The following PCDH7 variants were observed in gnomAD, a reference collection of about 807,000 sequenced individuals.
PCDH7 encodes the protein protocadherin-7.
Under a neutral mutation model 58.9 loss-of-function variants are expected in PCDH7, and 17 were observed. The ratio of observed to expected loss-of-function variants is 0.29; its 90% CI spans 0.20 to 0.43. The LOEUF (loss-of-function observed/expected upper bound fraction) is 0.43, where lower values mean the gene tolerates loss of function less well. Ranked by LOEUF, PCDH7 falls within the 20% of genes least tolerant of loss-of-function variation. PCDH7 has a pLI of 1.00. For missense variants in PCDH7, 1,274 were observed against 1,441.0 expected (o/e 0.88, Z 1.88); for synonymous variants, 664 against 616.4 (o/e 1.08, Z -1.14).
At chr4:30,963,709 G>A (rs945238699) in intron 3 of PCDH7, among the ~76,000 whole-genome samples, 1 of 152,084 alleles carries the variant, frequency 6.6e-6, no homozygotes, top group South Asian at 2.1e-4. Context: ...AAATCTGAGT[G>A]GAATGCCAGA....
chr4:31,072,749 T>C (rs1758658169), intron 3 of PCDH7, among the ~76,000 whole-genome samples: 1 of 152,148 alleles, frequency 6.6e-6, no homozygotes, highest in Non-Finnish European at 1.5e-5. Context: ...GGCTGACATA[T>C]TCACCCATTA....
chr4:31,100,337 G>A (rs1446158059), intron 3 of PCDH7, among the ~76,000 whole-genome samples: 1 of 152,180 alleles, frequency 6.6e-6, no homozygotes, highest in African/African-American at 2.4e-5. Flanking sequence ...AAACAAAAAT[G>A]TAAAAGAATG....
At chr4:30,739,638 T>C (rs1478140091) in intron 1 of PCDH7, among the ~76,000 whole-genome samples, 1 of 152,174 alleles carries the variant, frequency 6.6e-6, no homozygotes, top group Non-Finnish European at 1.5e-5. Flanking sequence ...ACTTGATGTT[T>C]TCTTTAATGT....
chr4:30,766,143 A>C (rs1177057650), intron 1 of PCDH7, among the ~76,000 whole-genome samples: 2 of 151,970 alleles, frequency 1.3e-5, no homozygotes, highest in Non-Finnish European at 2.9e-5. Flanking sequence ...TCTGATGAAA[A>C]GCCCCCTCTA....
chr4:30,885,795 C>T lies in PCDH7; in HGVS notation c.71-34358C>T, dbSNP rs368680902. On this transcript the variant is annotated intron_variant, in intron 1 of 3. Coordinates refer to the PCDH7 transcript ENST00000509759. ...AGAGATATAGATCAATGGAACAGAACAGAGCCCTCAGAAATAATGCCACAT... is the reference window on the plus strand; with the variant it reads ...AGAGATATAGATCAATGGAACAGAATAGAGCCCTCAGAAATAATGCCACAT... 9.7e-4 allele frequency among the ~76,000 whole-genome samples: 147 copies of T among 152,172 alleles called. 1 individual carries two copies. Among genetic ancestry groups the T allele is most frequent in the African/African-American group, 3.4e-3 (142 of 41,522 alleles).
At chr4:30,975,274 T>C (rs1749973784) in intron 3 of PCDH7, among the ~76,000 whole-genome samples, 2 of 151,926 alleles carry the variant, frequency 1.3e-5, no homozygotes, top group African/African-American at 4.8e-5. Flanking sequence ...CACCTATAGT[T>C]TGTTTTATGA....
intron 3 of PCDH7, among the ~76,000 whole-genome samples, chr4:31,045,414 A>G (rs1756200281): frequency 6.6e-6 from 1 of 152,030 alleles, no homozygotes; most frequent in African/African-American, 2.4e-5. Context: ...AGAGCCAGAG[A>G]GCCATTTCCG....
At chr4:30,943,476 T>C (rs1313556671) in intron 2 of PCDH7, among the ~76,000 whole-genome samples, 1 of 152,170 alleles carries the variant, frequency 6.6e-6, no homozygotes, top group Non-Finnish European at 1.5e-5. Context: ...GTGGCTGAAA[T>C]GCAGTTTGAA....
intron 1 of PCDH7, among the ~76,000 whole-genome samples, chr4:30,902,864 C>T (rs1019211164): frequency 1.3e-5 from 2 of 152,024 alleles, no homozygotes; most frequent in African/African-American, 2.4e-5. Context: ...ATTTGTTTTG[C>T]CCTCCTGTTT....
intron 3 of PCDH7, among the ~76,000 whole-genome samples, chr4:31,140,496 T>G (rs1408547153): frequency 6.6e-6 from 1 of 151,304 alleles, no homozygotes; most frequent in Non-Finnish European, 1.5e-5. Flanking sequence ...AATTTGAATT[T>G]GTTGAAGCAG....
intron 2 of PCDH7, among the ~76,000 whole-genome samples, chr4:30,929,523 T>C (rs1744300072): frequency 6.6e-6 from 1 of 152,186 alleles, no homozygotes; most frequent in Non-Finnish European, 1.5e-5. Flanking sequence ...TTTAAATGCC[T>C]CCTCTGGAAC....
At chr4:30,893,079 G>T (rs1302972147) in intron 1 of PCDH7, among the ~76,000 whole-genome samples, 1 of 151,912 alleles carries the variant, frequency 6.6e-6, no homozygotes, top group Non-Finnish European at 1.5e-5. Context: ...GTATTGTAGG[G>T]TCATTTTTCT....
At chr4:31,000,675 T>C (rs1263022506) in intron 3 of PCDH7, among the ~76,000 whole-genome samples, 1 of 152,098 alleles carries the variant, frequency 6.6e-6, no homozygotes, top group Admixed American at 6.6e-5. Context: ...TCAATTCTCC[T>C]TGCCTTTCTT....
intron 3 of PCDH7, among the ~76,000 whole-genome samples, chr4:30,997,808 C>G (rs1204431344): frequency 1.3e-5 from 2 of 152,038 alleles, no homozygotes; most frequent in Non-Finnish European, 2.9e-5. Flanking sequence ...AGTCATCAGG[C>G]CAAACAAATT....
intron 2 of PCDH7, among the ~76,000 whole-genome samples, chr4:30,938,737 T>A (rs1463574787): frequency 6.6e-6 from 1 of 152,158 alleles, no homozygotes; most frequent in Non-Finnish European, 1.5e-5. Context: ...TAAGCTTTAA[T>A]AAATGGCCAG....
In PCDH7 at chr4:30,723,756, C is replaced by A; in HGVS notation, c.2334C>A (p.Asp778Glu). Residue 778 changes from aspartate to glutamate, a missense_variant, in exon 1 of 2, where the codon GAC becomes GAA. Asp to Glu is a conservative substitution (Grantham distance 45, BLOSUM62 2). Transcript: ENST00000361762. The surrounding 1 kb of genome is among the most constrained non-coding windows in gnomAD (Gnocchi z 4.6). ...ACAGTGATGATGGCATCAATGCAGA[C>A]CTGAACTACAGCATTGTGGGAGGAA... 3.1e-6 allele frequency: 5 copies of A among 1,614,078 alleles called. No individual in the cohort carries two copies. The highest frequency in any genetic ancestry group is 2.2e-5 in the East Asian group (1 of 44,870).
chr4:30,828,421 C>T (rs1161540854), intron 1 of PCDH7, among the ~76,000 whole-genome samples: 2 of 152,028 alleles, frequency 1.3e-5, no homozygotes, highest in African/African-American at 4.8e-5. Flanking sequence ...CCAGTGTCAA[C>T]ATATGAAATA....
intron 3 of PCDH7, among the ~76,000 whole-genome samples, chr4:31,070,409 A>T (rs1250638983): frequency 6.6e-6 from 1 of 152,084 alleles, no homozygotes; most frequent in Non-Finnish European, 1.5e-5. Flanking sequence ...ATCCAATAAT[A>T]CGACTGACTT....
chr4:30,787,014 C>A (rs895827853), intron 1 of PCDH7, among the ~76,000 whole-genome samples: 5 of 151,938 alleles, frequency 3.3e-5, no homozygotes, highest in Non-Finnish European at 7.4e-5. Context: ...ATCAAGCTCT[C>A]AATATGGAAT....
Sources: gnomAD v4.1 joint callset for allele counts (sites outside exome capture counted in the v4.1 genomes callset) on GRCh38, gnomAD v4.1.1 for gene constraint, Gnocchi (gnomAD v3.1) non-coding constraint, MANE v1.5 for transcripts, NCBI Gene and HGNC (gene_info 2026-07-23, HGNC 2026-07-21) for gene names.